PTPRN2: variants seen among roughly 807,000 people sequenced by gnomAD.
The protein encoded by PTPRN2 is protein tyrosine phosphatase receptor type N2.
Under a neutral mutation model 118.8 loss-of-function variants are expected in PTPRN2, and 74 were observed. That is an observed-to-expected ratio of 0.62 (90% CI 0.52 to 0.76). The LOEUF (loss-of-function observed/expected upper bound fraction) is 0.76, where lower values mean the gene tolerates loss of function less well. PTPRN2 is among the 30% of genes least tolerant of loss of function. The probability of loss-of-function intolerance (pLI) is 0.00; values close to 1 mark genes in which losing one functional copy is unlikely to be tolerated. For missense variants in PTPRN2, 1,481 were observed against 1,394.4 expected, an observed-to-expected ratio of 1.06 and a Z score of -0.99; for synonymous variants, 641 against 608.0, an observed-to-expected ratio of 1.05 and a Z score of -0.80.
chr7:157,651,079 G>C (rs912588215), intron 14 of PTPRN2, among the ~76,000 whole-genome samples: 1 of 152,232 alleles, frequency 6.6e-6, no homozygotes, highest in Non-Finnish European at 1.5e-5. Flanking sequence ...GTCTCACGCT[G>C]GGAGTTCAGA....
chr7:158,272,923 C>T (rs1258190074), intron 3 of PTPRN2, among the ~76,000 whole-genome samples: 4 of 152,200 alleles, frequency 2.6e-5, no homozygotes, highest in Admixed American at 2.6e-4. Flanking sequence ...CAGCCCGGTG[C>T]ATGCAGACTC....
intron 2 of PTPRN2, among the ~76,000 whole-genome samples, chr7:158,448,315 A>G (rs6945500): frequency 0.34 from 51,692 of 152,190 alleles, 9,076 homozygotes; most frequent in East Asian, 0.46. Flanking sequence ...TAAATGTTTC[A>G]TAATAGCCAT....
At chr7:157,860,496 G>T (rs934138621) in intron 12 of PTPRN2, among the ~76,000 whole-genome samples, 7 of 152,370 alleles carry the variant, frequency 4.6e-5, no homozygotes, top group Non-Finnish European at 8.8e-5. Context: ...AGTATTTGGA[G>T]GTAGTAATGA....
intron 3 of PTPRN2, among the ~76,000 whole-genome samples, chr7:158,262,804 C>G (rs1404720544): frequency 1.4e-5 from 2 of 145,280 alleles, no homozygotes; most frequent in Non-Finnish European, 3.0e-5. Context: ...CATTCACACA[C>G]TACACACATT....
At chr7:157,689,662 G>A (rs1236430832) in intron 12 of PTPRN2, among the ~76,000 whole-genome samples, 1 of 152,190 alleles carries the variant, frequency 6.6e-6, no homozygotes, top group East Asian at 1.9e-4. Flanking sequence ...AGGAAATGAA[G>A]TCCCTCGTTC....
At chr7:158,289,303 A>G (rs1183398521) in intron 3 of PTPRN2, among the ~76,000 whole-genome samples, 1 of 152,118 alleles carries the variant, frequency 6.6e-6, no homozygotes, top group Non-Finnish European at 1.5e-5. Flanking sequence ...TGTAACTCAA[A>G]TATTTGATCT....
In PTPRN2 at chr7:158,083,662, C is replaced by T. The variant is rs532838049; in HGVS notation, c.1644-2285G>A. ...CCCGTGTCCTTTCTTGCACGCATGC[C>T]GAGCGTCACCATTGCGTGGGGCTGT... On this transcript the variant is annotated intron_variant, in intron 10 of 22. Transcript: ENST00000389418. Among the ~76,000 whole-genome samples the T allele has an allele frequency of 2.0e-5, 3 of 152,316 alleles. No homozygotes were observed. In the South Asian group the frequency reaches 6.2e-4, roughly 32 times the overall value.
In PTPRN2 at chr7:158,526,084, G is replaced by C. The variant is rs1195717013; in HGVS notation, c.113-36299C>G. Among the ~76,000 whole-genome samples the C allele has an allele frequency of 1.3e-5, 2 of 152,188 alleles. No homozygotes were observed. Among genetic ancestry groups the C allele is most frequent in the South Asian group, 2.1e-4 (1 of 4,830 alleles). On this transcript the variant is annotated intron_variant, in intron 1 of 22. Coordinates refer to ENST00000389418, the MANE Select transcript of PTPRN2 (RefSeq NM_002847.5). The surrounding 1 kb of genome is among the most constrained non-coding windows in gnomAD (Gnocchi z 5.2). ...CTCAGCAGCGCTGTGTGGGAAGGGG[G>C]ACTATCTGCCCAGTCCCTGAGGAGA... is the stretch of plus-strand genomic sequence containing the variant.
intron 12 of PTPRN2, among the ~76,000 whole-genome samples, chr7:157,721,249 G>A (rs994303840): frequency 1.6e-4 from 25 of 152,298 alleles, no homozygotes; most frequent in Middle Eastern, 3.4e-3. Flanking sequence ...TCTGGGTGCT[G>A]CATCCACAAG....
At chr7:158,497,746 C>T (rs189341808) in intron 1 of PTPRN2, among the ~76,000 whole-genome samples, 49 of 152,356 alleles carry the variant, frequency 3.2e-4, no homozygotes, top group African/African-American at 1.0e-3. Flanking sequence ...GGGAGCTGAC[C>T]GCTGGCAAGT....
chr7:157,902,517 C>T lies in PTPRN2; in HGVS notation c.1724-3780G>A, dbSNP rs570136572. On this transcript the variant is annotated intron_variant, in intron 11 of 22. Transcript: ENST00000389418. ...GCCTCAAGAGCACGTGGGGACCAGC[C>T]CCGTGGTGGCCTGGAGAGCACGTGG... Among the ~76,000 whole-genome samples the T allele has an allele frequency of 1.9e-3, 203 of 107,568 alleles. 5 individuals carry two copies. Among genetic ancestry groups the T allele is most frequent in the African/African-American group, 7.4e-3 (195 of 26,368 alleles). 70.6% of individuals were successfully genotyped at this position (107,568 alleles called of 152,430 possible). A position where few individuals can be genotyped will look rare whatever the true frequency, so the allele number is the denominator to read the frequency against.
Position 157,590,623 on chromosome 7 carries a change from CG to C in PTPRN2, c.2496+4614del, listed in dbSNP as rs1490323332. 6.6e-6 allele frequency among the ~76,000 whole-genome samples: 1 copy of C among 152,180 alleles called. No individual in the cohort carries two copies. Among genetic ancestry groups the C allele is most frequent in the Non-Finnish European group, 1.5e-5 (1 of 68,032 alleles). On this transcript the variant is annotated intron_variant, in intron 17 of 22. Coordinates refer to ENST00000389418, the MANE Select transcript of PTPRN2 (RefSeq NM_002847.5). The surrounding 1 kb of genome is among the most constrained non-coding windows in gnomAD (Gnocchi z 4.0). Reference sequence around the variant, plus strand: ...CTGGGCTCTGCTCAGGGACGCAGCACGGACAGAGGTGCTGTGGGCCCTGCGG... The same window carrying C: ...CTGGGCTCTGCTCAGGGACGCAGCACGACAGAGGTGCTGTGGGCCCTGCGG...
At chr7:158,541,501 C>G (rs778811863) in intron 1 of PTPRN2, 1 of 1,352,144 alleles carries the variant, frequency 7.4e-7, no homozygotes, top group Non-Finnish European at 9.8e-7. Context: ...GGACCTGAAA[C>G]AAACATCACT....
At chr7:157,683,426 G>C (rs1797007261) in intron 12 of PTPRN2, among the ~76,000 whole-genome samples, 1 of 152,156 alleles carries the variant, frequency 6.6e-6, no homozygotes, top group Non-Finnish European at 1.5e-5. Context: ...AGGAACGTGG[G>C]ACTGGCTCTG....
rs1029197747 is a variant in PTPRN2, at chr7:157,944,232, A to T, written c.1724-45495T>A. ...AGGATTCTAACGGCATTTGACAAAG[A>T]TTGAGCATGGTTCGTCGCGAACGCC... On this transcript the variant is annotated intron_variant, in intron 11 of 22. Transcript: ENST00000389418. This position sits in a 1 kb window ranked among gnomAD's most constrained non-coding sequence, Gnocchi z 4.3. Among the ~76,000 whole-genome samples the T allele has an allele frequency of 6.6e-6, 1 of 152,132 alleles. No individual in the cohort carries two copies. The highest frequency in any genetic ancestry group is 2.4e-5 in the African/African-American group (1 of 41,438).
chr7:158,160,419 G>A (rs964446815), intron 6 of PTPRN2, among the ~76,000 whole-genome samples: 1 of 152,128 alleles, frequency 6.6e-6, no homozygotes, highest in African/African-American at 2.4e-5. Context: ...CAGGTTTGGC[G>A]GCCTTTGGAC....
At chr7:158,392,932 G>A (rs1291186863) in intron 2 of PTPRN2, among the ~76,000 whole-genome samples, 5 of 152,136 alleles carry the variant, frequency 3.3e-5, no homozygotes, top group East Asian at 1.9e-4. Flanking sequence ...AGAACTCCTC[G>A]AGCACGCCTG....
intron 12 of PTPRN2, among the ~76,000 whole-genome samples, chr7:157,850,865 T>C (rs994786224): frequency 6.6e-6 from 1 of 152,202 alleles, no homozygotes; most frequent in Non-Finnish European, 1.5e-5. Context: ...TAAAATACAA[T>C]CTTCATGTGG....
In PTPRN2 at chr7:157,830,841, T is replaced by C. The variant is rs575950657; in HGVS notation, c.1788+67832A>G. Among the ~76,000 whole-genome samples the C allele has an allele frequency of 3.9e-5, 6 of 152,362 alleles. No individual in the cohort carries two copies. The East Asian group carries it at 1.2e-3, about 29-fold the overall frequency. On this transcript the variant is annotated intron_variant, in intron 12 of 22. Transcript: ENST00000389418. The stretch of plus-strand genomic sequence containing the variant: ...TGGATTAAAAATAAAAAGCAAGCTA[T>C]TGGGACAACGGGAAAACTGGCCACA...
Sources: allele counts gnomAD v4.1 joint callset (sites outside exome capture counted in the v4.1 genomes callset), GRCh38; gene constraint gnomAD v4.1.1; non-coding constraint Gnocchi (gnomAD v3.1); transcripts MANE v1.5; gene names NCBI Gene and HGNC (gene_info 2026-07-23, HGNC 2026-07-21).